The following FAM135B variants were observed in gnomAD, a reference collection of about 807,000 sequenced individuals.
FAM135B encodes protein FAM135B.
Under a neutral mutation model 127.7 loss-of-function variants are expected in FAM135B, and 43 were observed. The observed-to-expected ratio is 0.34, with a 90% CI of 0.26 to 0.43. The LOEUF (loss-of-function observed/expected upper bound fraction) is 0.43, where lower values mean the gene tolerates loss of function less well. Ranked by LOEUF, FAM135B falls within the 20% of genes least tolerant of loss-of-function variation. The probability of loss-of-function intolerance (pLI) is 1.00; values close to 1 mark genes in which losing one functional copy is unlikely to be tolerated. For missense variants in FAM135B, 1,558 were observed against 1,725.6 expected (o/e 0.90, Z 1.72); for synonymous variants, 670 against 665.1 (o/e 1.01, Z -0.11).
chr8:138,306,599 T>C (rs1826281758), intron 3 of FAM135B, among the ~76,000 whole-genome samples: 2 of 150,218 alleles, frequency 1.3e-5, no homozygotes, highest in Admixed American at 1.3e-4. Flanking sequence ...TTTTTTTTTT[T>C]TGAGACAGAG....
intron 11 of FAM135B, among the ~76,000 whole-genome samples, chr8:138,175,898 G>A (rs963725437): frequency 1.3e-5 from 2 of 152,010 alleles, no homozygotes; most frequent in Admixed American, 1.3e-4. Context: ...ATACACATTC[G>A]CTTACTTCAT....
At chr8:138,458,759 A>T (rs1174290193) in intron 1 of FAM135B, among the ~76,000 whole-genome samples, 1 of 152,168 alleles carries the variant, frequency 6.6e-6, no homozygotes, top group Non-Finnish European at 1.5e-5. Context: ...AATATATACC[A>T]TCTATCTAGC....
At chr8:138,162,081 T>C (rs948452023) in intron 12 of FAM135B, among the ~76,000 whole-genome samples, 6 of 152,240 alleles carry the variant, frequency 3.9e-5, no homozygotes, top group African/African-American at 1.4e-4. Context: ...CTTTGACATA[T>C]TCTATGTGAA....
intron 9 of FAM135B, among the ~76,000 whole-genome samples, chr8:138,182,513 A>G (rs1815150349): frequency 1.3e-5 from 2 of 152,200 alleles, no homozygotes; most frequent in Admixed American, 1.3e-4. Flanking sequence ...CTGCCAACTG[A>G]GTGCTGGTTC....
intron 9 of FAM135B, among the ~76,000 whole-genome samples, chr8:138,183,997 A>G (rs1208996746): frequency 2.0e-5 from 3 of 152,168 alleles, no homozygotes; most frequent in African/African-American, 7.2e-5. Context: ...CAAATCCTTA[A>G]ACTAAACTGA....
At chr8:138,386,249 CAACA>C (rs1487098441) in intron 1 of FAM135B, among the ~76,000 whole-genome samples, 1 of 151,554 alleles carries the variant, frequency 6.6e-6, no homozygotes, top group African/African-American at 2.4e-5. Context: ...AAACAAAAAC[CAACA>C]AACAAACAAC....
chr8:138,278,755 G>C (rs968647620), intron 3 of FAM135B, among the ~76,000 whole-genome samples: 1 of 151,452 alleles, frequency 6.6e-6, no homozygotes, highest in Non-Finnish European at 1.5e-5. Context: ...GTAGAGAGGG[G>C]GTTTCGCCAC....
At chr8:138,373,768 C>T (rs561346360) in intron 1 of FAM135B, among the ~76,000 whole-genome samples, 13 of 152,090 alleles carry the variant, frequency 8.5e-5, no homozygotes, top group East Asian at 5.8e-4. Context: ...CTTCTATGGT[C>T]GAGACTGTAT....
intron 12 of FAM135B, 128 bp downstream of exon 12, chr8:138,167,767 T>C (rs1003756661): frequency 9.1e-7 from 1 of 1,095,036 alleles, no homozygotes; most frequent in Non-Finnish European, 1.3e-6. Context: ...TTGTTTCCTC[T>C]CTATGAACTG....
At chr8:138,278,321 A>G (rs1382374877) in intron 3 of FAM135B, among the ~76,000 whole-genome samples, 1 of 151,712 alleles carries the variant, frequency 6.6e-6, no homozygotes, top group African/African-American at 2.4e-5. Context: ...AGAAAATTCT[A>G]CATCCACTAC....
chr8:138,152,622 A>G lies in FAM135B; in HGVS notation c.1853T>C (p.Leu618Pro). 6.2e-7 allele frequency: 1 copy of G among 1,614,080 alleles called. No individual in the cohort carries two copies. The highest frequency in any genetic ancestry group is 8.5e-7 in the Non-Finnish European group (1 of 1,180,000). Residue 618 changes from leucine to proline, a missense_variant, in exon 13 of 20, where the codon CTA becomes CCA. Physicochemically the swap from Leu to Pro is moderately conservative, Grantham distance 98 (BLOSUM62 -3). This residue lies in a region of FAM135B where 923 missense variants were observed against 865.3 expected (regional missense o/e 1.07). Coordinates refer to ENST00000395297, the MANE Select transcript of FAM135B (RefSeq NM_015912.4). ...DKTTLHELST[L>P]GKGIDQEGKM... ...CCCCTCTTGATCTATTCCCTTTCCT[A>G]GAGTACTTAATTCATGGAGAGTTGT...
chr8:138,257,907 C>T (rs149174835), intron 4 of FAM135B, among the ~76,000 whole-genome samples: 254 of 87,790 alleles, frequency 2.9e-3, no homozygotes, highest in African/African-American at 6.5e-3. Context: ...TAAAACAAAA[C>T]AAAACAAAAC....
chr8:138,487,814 C>T (rs980182661), intron 1 of FAM135B, among the ~76,000 whole-genome samples: 3 of 152,042 alleles, frequency 2.0e-5, no homozygotes, highest in Admixed American at 6.6e-5. Context: ...CCAGCCTCGC[C>T]AACAAGGGGA....
intron 1 of FAM135B, among the ~76,000 whole-genome samples, chr8:138,405,443 T>A (rs1187948605): frequency 6.8e-6 from 1 of 147,514 alleles, no homozygotes; most frequent in East Asian, 2.1e-4. Flanking sequence ...TATTCCCACC[T>A]ATGAGTGAGA....
chr8:138,463,941 G>A (rs1837259957), intron 1 of FAM135B, among the ~76,000 whole-genome samples: 1 of 152,170 alleles, frequency 6.6e-6, no homozygotes, highest in Non-Finnish European at 1.5e-5. Context: ...TAGCAAGTAT[G>A]CTGCATTTTT....
intron 1 of FAM135B, among the ~76,000 whole-genome samples, chr8:138,394,845 C>A (rs888462783): frequency 6.6e-6 from 1 of 152,156 alleles, no homozygotes; most frequent in Non-Finnish European, 1.5e-5. Context: ...GTGTAAGCAG[C>A]AGCACTCGAG....
intron 3 of FAM135B, 77 bp downstream of exon 3, chr8:138,310,764 T>C: frequency 7.5e-7 from 1 of 1,337,260 alleles, no homozygotes; most frequent in Non-Finnish European, 1.1e-6. Context: ...CCTTGCACTC[T>C]GCTGTGCCCT....
chr8:138,337,337 A>G (rs1198882295), intron 2 of FAM135B, among the ~76,000 whole-genome samples: 2 of 152,178 alleles, frequency 1.3e-5, no homozygotes, highest in Middle Eastern at 3.4e-3. Context: ...TGCAGATGAC[A>G]TCATTGTATA....
chr8:138,388,084 G>C (rs1832325911), intron 1 of FAM135B, among the ~76,000 whole-genome samples: 1 of 152,118 alleles, frequency 6.6e-6, no homozygotes. Context: ...AGTGGGCCGA[G>C]ACCTTAACAA....
Sources: gnomAD v4.1 joint callset for allele counts (sites outside exome capture counted in the v4.1 genomes callset) on GRCh38, gnomAD v4.1.1 for gene constraint, gnomAD v4.1.1 regional missense constraint, MANE v1.5 for transcripts, NCBI Gene and HGNC (gene_info 2026-07-23, HGNC 2026-07-21) for gene names.